PRUNE2: variants seen among roughly 807,000 people sequenced by gnomAD.
The protein encoded by PRUNE2 is prune homolog 2 with BCH domain, also known as protein prune homolog 2.
A neutral mutation model predicts 252.0 loss-of-function variants in PRUNE2; 164 were observed. That is an observed-to-expected ratio of 0.65 (90% CI 0.57 to 0.74). The LOEUF (loss-of-function observed/expected upper bound fraction) is 0.74, where lower values mean the gene tolerates loss of function less well. Ranked by LOEUF, PRUNE2 falls within the 30% of genes least tolerant of loss-of-function variation. The pLI is 0.00. For missense variants in PRUNE2, 3,495 were observed against 3,711.0 expected, an observed-to-expected ratio of 0.94 and a Z score of 1.51; for synonymous variants, 1,292 against 1,350.2, an observed-to-expected ratio of 0.96 and a Z score of 0.94.
chr9:76,824,220 C>A (rs1224505410), intron 5 of PRUNE2, among the ~76,000 whole-genome samples: 1 of 152,062 alleles, frequency 6.6e-6, no homozygotes, highest in Non-Finnish European at 1.5e-5. Flanking sequence ...GTTGTGGGAG[C>A]CCATAAGATT....
intron 6 of PRUNE2, among the ~76,000 whole-genome samples, chr9:76,740,985 T>C (rs2049566646): frequency 1.3e-5 from 2 of 152,210 alleles, no homozygotes; most frequent in African/African-American, 2.4e-5. Flanking sequence ...TTCCTAGAGA[T>C]AGGGCCACAT....
At chr9:76,789,776 T>C (rs1334295870) in intron 6 of PRUNE2, among the ~76,000 whole-genome samples, 1 of 152,104 alleles carries the variant, frequency 6.6e-6, no homozygotes, top group Non-Finnish European at 1.5e-5. Flanking sequence ...TCTCACATCC[T>C]GAAAGTCCTG....
At chr9:76,751,310 T>C (rs550997712) in intron 6 of PRUNE2, among the ~76,000 whole-genome samples, 7 of 151,886 alleles carry the variant, frequency 4.6e-5, no homozygotes, top group African/African-American at 2.4e-5. Flanking sequence ...GTAGGGTCAA[T>C]AACATTGATA....
intron 9 of PRUNE2, among the ~76,000 whole-genome samples, chr9:76,699,698 T>C (rs1436486818): frequency 1.3e-5 from 2 of 152,230 alleles, no homozygotes; most frequent in African/African-American, 4.8e-5. Context: ...CTTAAAATTC[T>C]CTCAGTAGCT....
At chr9:76,743,514 T>C (rs969570027) in intron 6 of PRUNE2, among the ~76,000 whole-genome samples, 2 of 152,170 alleles carry the variant, frequency 1.3e-5, no homozygotes, top group African/African-American at 4.8e-5. Context: ...CAACCAATCA[T>C]AGCAAAGAAT....
At chr9:76,857,899 G>T (rs1382595932) in intron 1 of PRUNE2, among the ~76,000 whole-genome samples, 1 of 152,102 alleles carries the variant, frequency 6.6e-6, no homozygotes, top group South Asian at 2.1e-4. Flanking sequence ...CTAGTTCACG[G>T]AACCCAAAAG....
At chr9:76,838,995 C>A (rs2059230379) in intron 4 of PRUNE2, among the ~76,000 whole-genome samples, 1 of 151,728 alleles carries the variant, frequency 6.6e-6, no homozygotes, top group Non-Finnish European at 1.5e-5. Context: ...ATTTATATAA[C>A]CAAATGGTGA....
chr9:76,713,827 T>G (rs1021789873), intron 6 of PRUNE2, 106 bp from the exon 7 acceptor site: 1 of 704,696 alleles, frequency 1.4e-6, no homozygotes, highest in South Asian at 2.6e-5. Flanking sequence ...GAGATATTTA[T>G]TATTTAAGGC....
intron 6 of PRUNE2, among the ~76,000 whole-genome samples, chr9:76,776,491 C>A (rs147714604): frequency 4.9e-4 from 74 of 151,198 alleles, no homozygotes; most frequent in African/African-American, 1.3e-3. Context: ...ACATTTACAC[C>A]ACATTTTCTT....
At chr9:76,734,490 C>A (rs1006259108) in intron 6 of PRUNE2, among the ~76,000 whole-genome samples, 1 of 152,070 alleles carries the variant, frequency 6.6e-6, no homozygotes, top group African/African-American at 2.4e-5. Flanking sequence ...AACCTCGAAG[C>A]CTTGGTTTCT....
chr9:76,659,674 C>A (rs1383466152), intron 9 of PRUNE2, among the ~76,000 whole-genome samples: 2 of 151,996 alleles, frequency 1.3e-5, no homozygotes, highest in Non-Finnish European at 2.9e-5. Context: ...AGTTGAGAAT[C>A]CCTACTCTGA....
chr9:76,880,448 C>T (rs1245320655), intron 1 of PRUNE2, among the ~76,000 whole-genome samples: 2 of 152,270 alleles, frequency 1.3e-5, no homozygotes, highest in Admixed American at 1.3e-4. Flanking sequence ...GCTGGGTAGA[C>T]GTCTGCACAA....
intron 17 of PRUNE2, among the ~76,000 whole-genome samples, chr9:76,623,621 G>C (rs1206319344): frequency 1.3e-5 from 2 of 152,290 alleles, no homozygotes; most frequent in African/African-American, 4.8e-5. Context: ...TAGGGGCAGA[G>C]GTTAACTTGT....
intron 1 of PRUNE2, among the ~76,000 whole-genome samples, chr9:76,891,883 A>G (rs756911974): frequency 6.6e-6 from 1 of 152,160 alleles, no homozygotes; most frequent in Non-Finnish European, 1.5e-5. Context: ...ACATAAATAT[A>G]ATAACATGAA....
intron 9 of PRUNE2, among the ~76,000 whole-genome samples, chr9:76,680,704 C>T (rs1481975467): frequency 6.6e-6 from 1 of 152,140 alleles, no homozygotes; most frequent in Non-Finnish European, 1.5e-5. Context: ...AAAGAACTAC[C>T]TGAGACTGGG....
At chr9:76,634,969 T>A (rs1839363869) in intron 15 of PRUNE2, among the ~76,000 whole-genome samples, 1 of 152,100 alleles carries the variant, frequency 6.6e-6, no homozygotes, top group Non-Finnish European at 1.5e-5. Context: ...TAAATAGGTC[T>A]AATATTTTTG....
chr9:76,685,171 T>G (rs1020209028), intron 9 of PRUNE2, among the ~76,000 whole-genome samples: 1 of 152,240 alleles, frequency 6.6e-6, no homozygotes, highest in Non-Finnish European at 1.5e-5. Context: ...ATGAGTAAAG[T>G]GCTTGGCAAA....
chr9:76,779,802 A>G (rs2054176400), intron 6 of PRUNE2: 1 of 152,246 alleles, frequency 6.6e-6, no homozygotes, highest in African/African-American at 2.4e-5. Context: ...TGGTTCCTGC[A>G]ACCTTTAACC....
At chr9:76,736,597 TC>T (rs1345461956) in intron 6 of PRUNE2, 2 of 152,260 alleles carry the variant, frequency 1.3e-5, no homozygotes, top group African/African-American at 4.8e-5. Context: ...TTTTGCTGTG[TC>T]CTCACGTGAC....
Sources: allele counts gnomAD v4.1 joint callset (sites outside exome capture counted in the v4.1 genomes callset), GRCh38; gene constraint gnomAD v4.1.1; transcripts MANE v1.5; gene names NCBI Gene and HGNC (gene_info 2026-07-23, HGNC 2026-07-21).